The following MGLL variants were observed in gnomAD, a reference collection of about 807,000 sequenced individuals.
The protein encoded by MGLL is lysophospholipase homolog.
A neutral mutation model predicts 29.1 loss-of-function variants in MGLL; 7 were observed. The observed-to-expected ratio is 0.24, with a 90% CI of 0.14 to 0.45. MGLL has a LOEUF of 0.45. Ranked by LOEUF, MGLL falls within the 20% of genes least tolerant of loss-of-function variation. The probability of loss-of-function intolerance (pLI) is 0.99; values close to 1 mark genes in which losing one functional copy is unlikely to be tolerated. For missense variants in MGLL, 356 were observed against 413.6 expected, an observed-to-expected ratio of 0.86 and a Z score of 1.21; for synonymous variants, 148 against 168.3, an observed-to-expected ratio of 0.88 and a Z score of 0.93.
In MGLL at chr3:127,821,787, G is replaced by C; in HGVS notation, c.62C>G (p.Pro21Arg). ...GAGGTCCTGGTAGGGAATGCTCTGC[G>C]GGGTCCGCCTGGGGGAACTTTCCTC... ...MPEESSPRRTPQSIPYQDLPH... is the reference protein window; with the variant it reads ...MPEESSPRRTRQSIPYQDLPH... The change falls in exon 2 of 8, where the codon CCG becomes CGG. Residue 21 changes from proline to arginine, a missense_variant. Transcript: ENST00000265052. The C allele has an allele frequency of 6.2e-7, 1 of 1,614,120 alleles. No homozygotes were observed. Among genetic ancestry groups the C allele is most frequent in the Middle Eastern group, 1.6e-4 (1 of 6,062 alleles).
At chr3:127,723,601 C>T (rs1455953607) in intron 3 of MGLL, among the ~76,000 whole-genome samples, 2 of 152,126 alleles carry the variant, frequency 1.3e-5, no homozygotes, top group Non-Finnish European at 2.9e-5. Flanking sequence ...GGGAGTCCCA[C>T]TACCCTCTCA....
In MGLL at chr3:127,691,884, T is replaced by TG. The variant is rs1332187337; in HGVS notation, c.*313dup. ...GAACACCAGGAATTCCTGGAACCCT[T>TG]GTGGGAGCTGGGAGAGGCAGGGCAG... On this transcript the variant is annotated 3_prime_UTR_variant, in exon 8 of 8. Transcript: ENST00000265052. 1.1e-5 allele frequency: 4 copies of TG among 364,182 alleles called. No homozygotes were observed. The highest frequency in any genetic ancestry group is 1.5e-5 in the Non-Finnish European group (3 of 195,222). 22.6% of individuals were successfully genotyped at this position (364,182 alleles called of 1,614,324 possible). A position where few individuals can be genotyped will look rare whatever the true frequency, so the allele number is the denominator to read the frequency against.
intron 3 of MGLL, among the ~76,000 whole-genome samples, chr3:127,771,452 G>A (rs1417899775): frequency 1.3e-5 from 2 of 152,176 alleles, no homozygotes; most frequent in Non-Finnish European, 2.9e-5. Context: ...GGGTTCAAGC[G>A]ATCCCAAGTA....
At chr3:127,755,438 T>C (rs1047850058) in intron 3 of MGLL, among the ~76,000 whole-genome samples, 1 of 152,124 alleles carries the variant, frequency 6.6e-6, no homozygotes, top group African/African-American at 2.4e-5. Context: ...CCCCCAAACA[T>C]GGGAGACACG....
Position 127,695,240 on chromosome 3 carries a change from A to G in MGLL, c.601-50T>C, listed in dbSNP as rs376301061. ...ATCAGCATGGGCAGGGCTCACTTCC[A>G]TAAGCCAGGCCTATTTCCTGGTAGC... is the stretch of plus-strand genomic sequence containing the variant. On this transcript the variant is annotated intron_variant, in intron 6 of 7. Coordinates refer to ENST00000265052, the MANE Select transcript of MGLL (RefSeq NM_007283.7). 1.9e-5 allele frequency: 29 copies of G among 1,551,568 alleles called. No homozygotes were observed. The African/African-American group carries it at 3.7e-4, about 20-fold the overall frequency.
intron 5 of MGLL, chr3:127,713,616 C>G (rs1343580354): frequency 6.6e-6 from 1 of 152,316 alleles, no homozygotes; most frequent in Non-Finnish European, 1.5e-5. Flanking sequence ...AGCATCCACA[C>G]CATTTCGTCC....
chr3:127,725,655 C>A (rs1464378600), intron 3 of MGLL, among the ~76,000 whole-genome samples: 1 of 152,160 alleles, frequency 6.6e-6, no homozygotes. Context: ...TGCACAAAAA[C>A]ACTGAAAAAA....
At chr3:127,729,940 A>G (rs949619720) in intron 3 of MGLL, among the ~76,000 whole-genome samples, 2 of 152,206 alleles carry the variant, frequency 1.3e-5, no homozygotes, top group Admixed American at 1.3e-4. Flanking sequence ...CCAGAGCTAC[A>G]GATCCATCCT....
intron 3 of MGLL, among the ~76,000 whole-genome samples, chr3:127,746,806 C>T (rs921857166): frequency 6.6e-6 from 1 of 152,130 alleles, no homozygotes; most frequent in Non-Finnish European, 1.5e-5. Flanking sequence ...CCACCCCCAG[C>T]CCCCAATCTC....
Position 127,707,008 on chromosome 3 carries a change from C to G in MGLL, c.600+3568G>C, listed in dbSNP as rs377033701. Reference sequence around the variant, plus strand: ...GCCAACTCCTCGACATTGGGCACATCCGAAACACCGGGCAGAGGAGACAAA... The same window carrying G: ...GCCAACTCCTCGACATTGGGCACATGCGAAACACCGGGCAGAGGAGACAAA... On this transcript the variant is annotated intron_variant, in intron 6 of 7. Transcript: ENST00000265052. Among the ~76,000 whole-genome samples, 63 of 152,322 alleles carry G rather than the reference C, an allele frequency of 4.1e-4. 1 individual carries two copies. The highest frequency in any genetic ancestry group is 1.4e-3 in the African/African-American group (60 of 41,564).
At chr3:127,741,696 C>A (rs2076343923) in intron 3 of MGLL, among the ~76,000 whole-genome samples, 1 of 152,226 alleles carries the variant, frequency 6.6e-6, no homozygotes. Context: ...TGGGTGGGGA[C>A]AAGGTCAGCC....
chr3:127,760,195 A>C (rs1343190099), intron 3 of MGLL, among the ~76,000 whole-genome samples: 1 of 152,224 alleles, frequency 6.6e-6, no homozygotes, highest in East Asian at 1.9e-4. Flanking sequence ...CTATGAGCTA[A>C]CGTTTCCATA....
At chr3:127,741,567 G>A (rs1375609699) in intron 3 of MGLL, among the ~76,000 whole-genome samples, 1 of 152,236 alleles carries the variant, frequency 6.6e-6, no homozygotes, top group Non-Finnish European at 1.5e-5. Flanking sequence ...AGCGGGCAGA[G>A]GTTTGTGGGG....
At chr3:127,792,475 G>A (rs986319212) in intron 2 of MGLL, among the ~76,000 whole-genome samples, 1 of 152,114 alleles carries the variant, frequency 6.6e-6, no homozygotes, top group African/African-American at 2.4e-5. Flanking sequence ...AGGCCAAGGA[G>A]GTCAGATCAT....
chr3:127,705,789 A>AAAG (rs780026554), intron 6 of MGLL, among the ~76,000 whole-genome samples: 31 of 151,182 alleles, frequency 2.1e-4, no homozygotes, highest in African/African-American at 5.4e-4. Flanking sequence ...AAAAAAAAAA[A>AAAG]AAGAAGAAGA....
At chr3:127,708,376 A>G (rs1162696545) in intron 6 of MGLL, among the ~76,000 whole-genome samples, 1 of 152,128 alleles carries the variant, frequency 6.6e-6, no homozygotes, top group Non-Finnish European at 1.5e-5. Flanking sequence ...ATAACTGATG[A>G]CCTGGGCAGC....
At chr3:127,754,198 A>G (rs1302040709) in intron 3 of MGLL, among the ~76,000 whole-genome samples, 1 of 152,152 alleles carries the variant, frequency 6.6e-6, no homozygotes, top group Non-Finnish European at 1.5e-5. Context: ...CTGTGAACTC[A>G]GAGGTCACGA....
At chr3:127,697,178 C>T (rs562973638) in intron 6 of MGLL, among the ~76,000 whole-genome samples, 7 of 152,340 alleles carry the variant, frequency 4.6e-5, no homozygotes, top group African/African-American at 1.7e-4. Context: ...GGCCCATGGC[C>T]AGGCCCAACC....
chr3:127,804,242 G>A (rs907435412), intron 2 of MGLL, among the ~76,000 whole-genome samples: 2 of 152,262 alleles, frequency 1.3e-5, no homozygotes, highest in Non-Finnish European at 2.9e-5. Context: ...ATCAATGGGA[G>A]GAGGATGGGG....
Sources: allele counts gnomAD v4.1 joint callset (sites outside exome capture counted in the v4.1 genomes callset), GRCh38; gene constraint gnomAD v4.1.1; transcripts MANE v1.5; gene names NCBI Gene and HGNC (gene_info 2026-07-23, HGNC 2026-07-21).